CLVS1: variants seen among roughly 807,000 people sequenced by gnomAD.
The protein encoded by CLVS1 is clavesin 1.
In CLVS1, 10 loss-of-function variants were observed where a neutral mutation model predicts 33.1. The observed-to-expected ratio is 0.30, with a 90% confidence interval of 0.19 to 0.51. The LOEUF is 0.51. Ranked by LOEUF, CLVS1 falls within the 20% of genes least tolerant of loss-of-function variation. CLVS1 has a pLI of 0.97. For missense variants in CLVS1, 343 were observed against 433.4 expected, an observed-to-expected ratio of 0.79 and a Z score of 1.85; for synonymous variants, 163 against 166.1, an observed-to-expected ratio of 0.98 and a Z score of 0.14.
chr8:61,440,872 T>C (rs749370393), intron 3 of CLVS1, among the ~76,000 whole-genome samples: 4 of 152,230 alleles, frequency 2.6e-5, no homozygotes, highest in Admixed American at 6.5e-5. Flanking sequence ...CATTGCCTAT[T>C]AAGATACGGA....
At position 61,288,105 on chromosome 8, in the gene CLVS1, C is replaced by T. The variant is rs1274453089; in HGVS notation, c.-185C>T. The stretch of plus-strand genomic sequence containing the variant: ...AGCAGCGAGGACACCTGCAGAAATA[C>T]ATTCCCAAAGCAAGGCTGGGCGGCC... On this transcript the variant is annotated 5_prime_UTR_variant, in exon 1 of 6. Coordinates refer to ENST00000325897, the MANE Select transcript of CLVS1 (RefSeq NM_173519.3). The T allele has an allele frequency of 2.2e-6, 1 of 456,194 alleles. No homozygotes were observed. The highest frequency in any genetic ancestry group is 4.4e-6 in the Non-Finnish European group (1 of 226,986). 28.3% of individuals were successfully genotyped at this position (456,194 alleles called of 1,614,324 possible). A position where few individuals can be genotyped will look rare whatever the true frequency, so the allele number is the denominator to read the frequency against.
chr8:61,032,839 A>G, the CLVS1 span, among the ~76,000 whole-genome samples: 1 of 151,920 alleles, frequency 6.6e-6, no homozygotes, highest in East Asian at 1.9e-4. Flanking sequence ...GGAAAATCCA[A>G]TAGGAAGTAT....
chr8:61,270,523 C>T (rs1238053643), intron 2 of CLVS1, among the ~76,000 whole-genome samples: 4 of 152,138 alleles, frequency 2.6e-5, no homozygotes, highest in African/African-American at 7.2e-5. Context: ...ATGCTGCTGG[C>T]CTCATAAAAT....
chr8:60,979,647 G>A, the CLVS1 span, among the ~76,000 whole-genome samples: 1 of 152,222 alleles, frequency 6.6e-6, no homozygotes, highest in Non-Finnish European at 1.5e-5. Flanking sequence ...ATAAGAGCGA[G>A]TCCTGCATTT....
At chr8:61,100,935 T>C (rs1290391881) in intron 1 of CLVS1, among the ~76,000 whole-genome samples, 1 of 152,218 alleles carries the variant, frequency 6.6e-6, no homozygotes, top group Admixed American at 6.5e-5. Context: ...AATAATACTC[T>C]ATTGTATGGA....
intron 4 of CLVS1, among the ~76,000 whole-genome samples, chr8:61,454,800 T>G (rs1817088481): frequency 6.6e-6 from 1 of 152,202 alleles, no homozygotes; most frequent in South Asian, 2.1e-4. Context: ...TTTCCATCAA[T>G]CAGAGTTGGG....
At chr8:61,354,915 G>T (rs768123864) in intron 2 of CLVS1, among the ~76,000 whole-genome samples, 1 of 152,116 alleles carries the variant, frequency 6.6e-6, no homozygotes, top group African/African-American at 2.4e-5. Context: ...ACCAATGTAC[G>T]TCAGATAAAA....
At chr8:61,232,027 T>TG (rs1563455069) in intron 2 of CLVS1, among the ~76,000 whole-genome samples, 30 of 113,202 alleles carry the variant, frequency 2.7e-4, no homozygotes, top group African/African-American at 1.3e-3. Flanking sequence ...GTTGTGGTTT[T>TG]TTTTTTTTTT....
chr8:61,004,955 G>A, the CLVS1 span, among the ~76,000 whole-genome samples: 50,480 of 120,430 alleles, frequency 0.42, 8,730 homozygotes, highest in South Asian at 0.59. Flanking sequence ...AACAAAACAA[G>A]ACAAAACAAA....
intron 3 of CLVS1, among the ~76,000 whole-genome samples, chr8:61,397,835 C>G (rs1037737025): frequency 1.3e-5 from 2 of 152,040 alleles, no homozygotes; most frequent in African/African-American, 4.8e-5. Flanking sequence ...TATTTCTGGT[C>G]CCTCAATTTT....
chr8:61,352,697 A>G (rs1812518795), intron 2 of CLVS1, among the ~76,000 whole-genome samples: 1 of 152,082 alleles, frequency 6.6e-6, no homozygotes, highest in African/African-American at 2.4e-5. Flanking sequence ...TCCATTAAGA[A>G]GACATAAATA....
chr8:61,166,535 C>T (rs776280705), intron 2 of CLVS1, among the ~76,000 whole-genome samples: 3 of 81,122 alleles, frequency 3.7e-5, no homozygotes, highest in Admixed American at 2.7e-4. Context: ...ATATTTGGAA[C>T]GTAATAAAAG....
chr8:61,015,050 T>A, the CLVS1 span, among the ~76,000 whole-genome samples: 1 of 152,208 alleles, frequency 6.6e-6, no homozygotes, highest in Non-Finnish European at 1.5e-5. Flanking sequence ...CAGTGGCAAT[T>A]GCCAGGCTGA....
intron 2 of CLVS1, among the ~76,000 whole-genome samples, chr8:61,186,164 C>T (rs1042762939): frequency 9.2e-5 from 14 of 152,114 alleles, no homozygotes; most frequent in African/African-American, 2.4e-4. Flanking sequence ...ACAGAGAGTA[C>T]GCAGATAGGT....
At chr8:61,461,371 A>T (rs1362625276) in intron 5 of CLVS1, among the ~76,000 whole-genome samples, 1 of 152,214 alleles carries the variant, frequency 6.6e-6, no homozygotes, top group Non-Finnish European at 1.5e-5. Context: ...CAATTTTAGC[A>T]GAACTCATGT....
intron 2 of CLVS1, among the ~76,000 whole-genome samples, chr8:61,230,604 A>ATTAACC (rs1808411814): frequency 6.6e-6 from 1 of 152,198 alleles, no homozygotes; most frequent in South Asian, 2.1e-4. Context: ...TTTTATTTAA[A>ATTAACC]TTAACCTTAA....
intron 2 of CLVS1, among the ~76,000 whole-genome samples, chr8:61,189,239 A>T (rs957816478): frequency 1.3e-5 from 2 of 152,216 alleles, no homozygotes; most frequent in Non-Finnish European, 2.9e-5. Context: ...AAAGAGAAGA[A>T]TTTTCAACCC....
chr8:61,230,199 T>C (rs559047378), intron 2 of CLVS1, among the ~76,000 whole-genome samples: 2 of 152,338 alleles, frequency 1.3e-5, no homozygotes, highest in South Asian at 4.1e-4. Flanking sequence ...TGCTGAACCC[T>C]GATGCAGACT....
the CLVS1 span, among the ~76,000 whole-genome samples, chr8:61,011,911 T>C: frequency 6.6e-6 from 1 of 152,228 alleles, no homozygotes; most frequent in Non-Finnish European, 1.5e-5. Flanking sequence ...GCGATCTGCG[T>C]CTGTTTACCT....
Sources: gnomAD v4.1 joint callset for allele counts (sites outside exome capture counted in the v4.1 genomes callset) on GRCh38, gnomAD v4.1.1 for gene constraint, MANE v1.5 for transcripts, NCBI Gene and HGNC (gene_info 2026-07-23, HGNC 2026-07-21) for gene names.